The following ACSL1 variants were observed in gnomAD, a reference collection of about 807,000 sequenced individuals.
The protein encoded by ACSL1 is acyl-CoA synthetase long chain family member 1.
Under a neutral mutation model 98.4 loss-of-function variants are expected in ACSL1, and 41 were observed. That is an observed-to-expected ratio of 0.42 (90% CI 0.32 to 0.54). ACSL1 has a LOEUF of 0.54. Ranked by LOEUF, ACSL1 falls within the 20% of genes least tolerant of loss-of-function variation. The probability of loss-of-function intolerance (pLI) is 0.13; values close to 1 mark genes in which losing one functional copy is unlikely to be tolerated. For synonymous variants in ACSL1, 316 were observed against 322.7 expected, an observed-to-expected ratio of 0.98 and a Z score of 0.22; for missense variants, 734 against 883.1, an observed-to-expected ratio of 0.83 and a Z score of 2.14.
intron 10 of ACSL1, among the ~76,000 whole-genome samples, chr4:184,771,155 C>A (rs900769692): frequency 6.6e-6 from 1 of 151,888 alleles, no homozygotes; most frequent in Non-Finnish European, 1.5e-5. Context: ...ATTATTCAAA[C>A]AAAGTGGAAG....
At chr4:184,779,548 G>A (rs1205579145) in intron 5 of ACSL1, among the ~76,000 whole-genome samples, 1 of 152,114 alleles carries the variant, frequency 6.6e-6, no homozygotes, top group African/African-American at 2.4e-5. Context: ...CCCAAAGGAA[G>A]GCTGGCTAGC....
intron 1 of ACSL1, among the ~76,000 whole-genome samples, chr4:184,822,748 G>GA (rs765948398): frequency 2.6e-4 from 37 of 141,318 alleles, no homozygotes; most frequent in Middle Eastern, 3.5e-3. Context: ...TGGGAAAAAA[G>GA]AAAAAAAAAA....
Position 184,773,741 on chromosome 4 carries a change from G to T in ACSL1, c.790-27C>A. ...TAAAGATTAAAAAAAAAAAAAGCTG[G>T]TATAAATCAGAACAGAAAAGAGAAC... On this transcript the variant is annotated intron_variant, in intron 8 of 20. Transcript: ENST00000281455. The surrounding 1 kb of genome is among the most constrained non-coding windows in gnomAD (Gnocchi z 4.3). 1.9e-6 allele frequency: 3 copies of T among 1,599,478 alleles called. No individual in the cohort carries two copies. Among genetic ancestry groups the T allele is most frequent in the Non-Finnish European group, 2.6e-6 (3 of 1,173,936 alleles).
At chr4:184,805,515 A>G (rs1771287113) in intron 1 of ACSL1, 3 of 985,550 alleles carry the variant, frequency 3.0e-6, no homozygotes, top group Non-Finnish European at 3.6e-6. Flanking sequence ...AGCACTTAAC[A>G]AAACCACTCA....
Position 184,763,266 on chromosome 4 carries a change from A to C in ACSL1, c.1433-11T>G. On this transcript the variant is annotated splice_polypyrimidine_tract_variant and intron_variant, in intron 15 of 20. Coordinates refer to ENST00000281455, the MANE Select transcript of ACSL1 (RefSeq NM_001995.5). Reference sequence around the variant, plus strand: ...GGGCCCCAACATGGCCTGTATATTAAATAAGCAAATGGTCATTCCTAAGGG... The same window carrying C: ...GGGCCCCAACATGGCCTGTATATTACATAAGCAAATGGTCATTCCTAAGGG... The C allele has an allele frequency of 1.2e-5, 19 of 1,612,424 alleles. No individual in the cohort carries two copies. Among genetic ancestry groups the C allele is most frequent in the Non-Finnish European group, 1.6e-5 (19 of 1,178,858 alleles).
intron 3 of ACSL1, among the ~76,000 whole-genome samples, chr4:184,785,689 C>T (rs976652548): frequency 6.9e-6 from 1 of 144,276 alleles, no homozygotes; most frequent in Non-Finnish European, 1.5e-5. Context: ...ACTGGACATA[C>T]TTTCCTTCAC....
intron 1 of ACSL1, among the ~76,000 whole-genome samples, chr4:184,818,314 C>G (rs764394325): frequency 1.3e-5 from 2 of 152,170 alleles, no homozygotes; most frequent in South Asian, 2.1e-4. Context: ...GAGCTCAACA[C>G]TAATCTCCTC....
rs951458166 is a variant in ACSL1 at position 184,766,399 on chromosome 4, A to ACCCTGACT, written c.1263+215_1263+222dup. On this transcript the variant is annotated intron_variant, in intron 13 of 20. Coordinates refer to ENST00000281455, the MANE Select transcript of ACSL1 (RefSeq NM_001995.5). This position sits in a 1 kb window ranked among gnomAD's most constrained non-coding sequence, Gnocchi z 4.8. Reference sequence around the variant, plus strand: ...AATGGAGAATGAGAAAGGCTCCACTACCCTGACTCCTTTTCCCCCTAGATG... The same window carrying ACCCTGACT: ...AATGGAGAATGAGAAAGGCTCCACTACCCTGACTCCCTGACTCCTTTTCCCCCTAGATG... Among the ~76,000 whole-genome samples, 3 of 152,184 alleles carry ACCCTGACT rather than the reference A, an allele frequency of 2.0e-5. No individual in the cohort carries two copies. The highest frequency in any genetic ancestry group is 7.2e-5 in the African/African-American group (3 of 41,444).
intron 1 of ACSL1, chr4:184,821,007 C>T: frequency 2.2e-6 from 1 of 456,252 alleles, no homozygotes; most frequent in Non-Finnish European, 4.4e-6. Context: ...GTATGGGGAA[C>T]TTAATCTTTG....
At chr4:184,765,028 C>G in intron 14 of ACSL1, 103 bp from the exon 15 acceptor site, 3 of 1,118,972 alleles carry the variant, frequency 2.7e-6, no homozygotes, top group African/African-American at 1.6e-5. Context: ...TCATGGCTGA[C>G]TGGTGAAATC....
At chr4:184,780,912 G>A (rs185137592) in intron 4 of ACSL1, among the ~76,000 whole-genome samples, 164 of 152,118 alleles carry the variant, frequency 1.1e-3, no homozygotes, top group African/African-American at 3.9e-3. Flanking sequence ...GTATTCTTAG[G>A]AAACAATTCA....
At chr4:184,795,097 T>C (rs1561223012) in intron 2 of ACSL1, among the ~76,000 whole-genome samples, 1 of 151,362 alleles carries the variant, frequency 6.6e-6, no homozygotes. Flanking sequence ...TTCCAGAAAA[T>C]AGGACTGCCC....
chr4:184,781,953 A>G (rs564665730), intron 4 of ACSL1, among the ~76,000 whole-genome samples: 1 of 152,252 alleles, frequency 6.6e-6, no homozygotes, highest in South Asian at 2.1e-4. Context: ...AATTCTCAAG[A>G]GTACTCTTAA....
rs1770932740 is a variant in ACSL1, at chr4:184,803,684, G to A, written c.-32-138C>T. On this transcript the variant is annotated intron_variant, in intron 1 of 20. Transcript: ENST00000281455. The surrounding 1 kb of genome is among the most constrained non-coding windows in gnomAD (Gnocchi z 4.8). ...CATTAAACCCACAATCTAATGATCC[G>A]GGGCTTTTCCTGGCTGTCAAGTGTC... 4.4e-6 allele frequency: 2 copies of A among 457,730 alleles called. No homozygotes were observed. Among genetic ancestry groups the A allele is most frequent in the Non-Finnish European group, 7.3e-6 (2 of 275,338 alleles). The allele number at this position is 457,730 out of a possible 1,614,324, so 28.4% of individuals were successfully genotyped here.
chr4:184,782,423 T>C (rs1766459977), intron 4 of ACSL1, among the ~76,000 whole-genome samples: 1 of 152,154 alleles, frequency 6.6e-6, no homozygotes, highest in African/African-American at 2.4e-5. Context: ...AGTCATAGAT[T>C]CACACCTTCA....
Position 184,803,120 on chromosome 4 carries a change from C to T in ACSL1, c.195+200G>A, listed in dbSNP as rs1013479877. On this transcript the variant is annotated intron_variant, in intron 2 of 20. Coordinates refer to ENST00000281455, the MANE Select transcript of ACSL1 (RefSeq NM_001995.5). This position sits in a 1 kb window ranked among gnomAD's most constrained non-coding sequence, Gnocchi z 4.8. ...ATGTGACGAGAGGTAGACACCCAAC[C>T]GACACCCTCTCATCTGTCCCTGTGC... Among the ~76,000 whole-genome samples, 4 of 152,174 alleles carry T rather than the reference C, an allele frequency of 2.6e-5. No individual in the cohort carries two copies. Among genetic ancestry groups the T allele is most frequent in the Admixed American group, 6.5e-5 (1 of 15,284 alleles).
At chr4:184,805,348 C>G (rs1158863151) in intron 1 of ACSL1, 1 of 374,468 alleles carries the variant, frequency 2.7e-6, no homozygotes, top group African/African-American at 2.2e-5. Flanking sequence ...TGTATTTGCT[C>G]TGCTCATTCA....
chr4:184,757,587 T>C lies in ACSL1; in HGVS notation c.1956+48A>G, dbSNP rs1579821452. On this transcript the variant is annotated intron_variant, in intron 20 of 20. Coordinates refer to ENST00000281455, the MANE Select transcript of ACSL1 (RefSeq NM_001995.5). The surrounding 1 kb of genome is among the most constrained non-coding windows in gnomAD (Gnocchi z 4.5). ...TAATCTACCTGTAAAAAAATCTTAATGGAAAATTTGTTTTACAGGAATTCA... is the reference window on the plus strand; with the variant it reads ...TAATCTACCTGTAAAAAAATCTTAACGGAAAATTTGTTTTACAGGAATTCA... 1.3e-6 allele frequency: 2 copies of C among 1,550,450 alleles called. No homozygotes were observed. The highest frequency in any genetic ancestry group is 1.8e-6 in the Non-Finnish European group (2 of 1,136,420).
intron 4 of ACSL1, 123 bp downstream of exon 4, chr4:184,783,804 G>T: frequency 1.1e-6 from 1 of 888,814 alleles, no homozygotes; most frequent in Non-Finnish European, 1.8e-6. Context: ...CCATGCTTAC[G>T]GCAAGGCTCT....
Sources: gnomAD v4.1 joint callset for allele counts (sites outside exome capture counted in the v4.1 genomes callset) on GRCh38, gnomAD v4.1.1 for gene constraint, Gnocchi (gnomAD v3.1) non-coding constraint, MANE v1.5 for transcripts, NCBI Gene and HGNC (gene_info 2026-07-23, HGNC 2026-07-21) for gene names.